The following BCAS4 variants were observed in gnomAD, a reference collection of about 807,000 sequenced individuals.
BCAS4 encodes the protein breast carcinoma-amplified sequence 4.
In BCAS4, 9 loss-of-function variants were observed where a neutral mutation model predicts 15.7. The observed-to-expected ratio is 0.57, with a 90% CI of 0.34 to 1.00. BCAS4 has a LOEUF of 1.00. Among genes scored for constraint, BCAS4 ranks in the 50% least tolerant of loss-of-function variants. BCAS4 has a pLI of 0.02. For synonymous variants in BCAS4, 101 were observed against 99.5 expected (o/e 1.02, Z -0.09); for missense variants, 225 against 239.1 (o/e 0.94, Z 0.39).
At chr20:50,828,470 C>A (rs772605640) in intron 2 of BCAS4, among the ~76,000 whole-genome samples, 90 of 151,346 alleles carry the variant, frequency 5.9e-4, no homozygotes, top group East Asian at 3.9e-4. Flanking sequence ...GTATAGTTTT[C>A]AAAAAAAAAT....
At chr20:50,841,996 G>A (rs2088489258) in intron 4 of BCAS4, 96 bp downstream of exon 4, 5 of 1,406,084 alleles carry the variant, frequency 3.6e-6, no homozygotes, top group Admixed American at 2.8e-5. Context: ...CAGAGTTCAG[G>A]GGGGCACATT....
At chr20:50,867,797 C>A (rs1979430994) in intron 4 of BCAS4, among the ~76,000 whole-genome samples, 1 of 152,146 alleles carries the variant, frequency 6.6e-6, no homozygotes, top group Non-Finnish European at 1.5e-5. Context: ...GCGTGTAATC[C>A]CAGCTACTGG....
At chr20:50,834,304 T>TC (rs1217639199) in intron 3 of BCAS4, among the ~76,000 whole-genome samples, 2 of 147,450 alleles carry the variant, frequency 1.4e-5, no homozygotes, top group East Asian at 2.0e-4. Flanking sequence ...TTTTTTTTTT[T>TC]TTTTTTTTTG....
At chr20:50,810,032 G>A (rs1340963200) in intron 1 of BCAS4, among the ~76,000 whole-genome samples, 2 of 152,034 alleles carry the variant, frequency 1.3e-5, no homozygotes, top group African/African-American at 2.4e-5. Context: ...CTAGGTATAC[G>A]ATCATGTCAT....
At chr20:50,865,705 T>TGCC (rs1979322754) in intron 4 of BCAS4, among the ~76,000 whole-genome samples, 1 of 152,086 alleles carries the variant, frequency 6.6e-6, no homozygotes, top group Non-Finnish European at 1.5e-5. Context: ...CCAGCTGCTG[T>TGCC]GGTCACTGGG....
intron 4 of BCAS4, among the ~76,000 whole-genome samples, chr20:50,862,771 G>C (rs1023212492): frequency 2.6e-5 from 4 of 152,178 alleles, no homozygotes; most frequent in Non-Finnish European, 5.9e-5. Flanking sequence ...CCTGGCAGGG[G>C]CCTGGAGGAG....
intron 4 of BCAS4, among the ~76,000 whole-genome samples, chr20:50,853,505 C>T (rs1004673424): frequency 2.0e-5 from 3 of 152,024 alleles, no homozygotes; most frequent in Admixed American, 6.6e-5. Flanking sequence ...CTCTGTCCCT[C>T]GCAGCTCCTC....
At chr20:50,871,594 G>GA (rs1979647290) in intron 4 of BCAS4, among the ~76,000 whole-genome samples, 1 of 152,236 alleles carries the variant, frequency 6.6e-6, no homozygotes, top group African/African-American at 2.4e-5. Flanking sequence ...TCATGAACAG[G>GA]AAAAGCCCCA....
chr20:50,882,401 A>C, the BCAS4 span: 1 of 152,228 alleles, frequency 6.6e-6, no homozygotes, highest in Non-Finnish European at 1.5e-5. Context: ...TAATGTTGTA[A>C]AAATGGGTTA....
chr20:50,848,249 C>T (rs2088571590), intron 4 of BCAS4, among the ~76,000 whole-genome samples: 1 of 152,092 alleles, frequency 6.6e-6, no homozygotes, highest in Non-Finnish European at 1.5e-5. Flanking sequence ...GAGTGAGACC[C>T]TGTCTCTGCA....
At chr20:50,822,383 T>G (rs1259851310) in intron 2 of BCAS4, among the ~76,000 whole-genome samples, 1 of 152,222 alleles carries the variant, frequency 6.6e-6, no homozygotes, top group Admixed American at 6.5e-5. Context: ...TTCTACCCCT[T>G]CATGGAAGGA....
chr20:50,858,973 A>AAC (rs1978922598), intron 4 of BCAS4, among the ~76,000 whole-genome samples: 1 of 149,412 alleles, frequency 6.7e-6, no homozygotes, highest in African/African-American at 2.5e-5. Context: ...TTGCCCTGTC[A>AAC]CCCAGGCTGG....
chr20:50,830,397 GAAGGT>G lies in BCAS4; in HGVS notation c.264+18_264+22del. 1 of 1,599,698 alleles carries G rather than the reference GAAGGT, an allele frequency of 6.3e-7. No individual in the cohort carries two copies. The highest frequency in any genetic ancestry group is 1.1e-5 in the South Asian group (1 of 89,798). ...CGGCTAGAGGTACGTCTAGGCAAAC[GAAGGT>G]TCTGAGGCTGTGGACTTGATCTTGC... On this transcript the variant is annotated intron_variant, in intron 3 of 4. Transcript: ENST00000371608.
At chr20:50,876,354 G>T in intron 4 of BCAS4, 132 bp from the exon 5 acceptor site, 1 of 1,256,384 alleles carries the variant, frequency 8.0e-7, no homozygotes, top group Non-Finnish European at 1.1e-6. Context: ...CACAGGCAGT[G>T]CTGTCAGAGG....
At chr20:50,880,006 C>T (rs891365620), downstream of BCAS4, 1 of 152,356 alleles carries the variant, frequency 6.6e-6, no homozygotes, top group Non-Finnish European at 1.5e-5. Context: ...GATTGTCCTG[C>T]GTTTCTCAGT....
At chr20:50,795,459 C>G (rs2087843036) in intron 1 of BCAS4, among the ~76,000 whole-genome samples, 2 of 152,278 alleles carry the variant, frequency 1.3e-5, no homozygotes, top group South Asian at 4.1e-4. Flanking sequence ...TTTGCCAGGC[C>G]GGCCCTGGGA....
chr20:50,840,920 C>T, intron 3 of BCAS4: 1 of 588,240 alleles, frequency 1.7e-6, no homozygotes, highest in Non-Finnish European at 3.1e-6. Flanking sequence ...ACCTCCGCCT[C>T]CCGGGTTCAA....
At chr20:50,812,976 C>T (rs149657641) in intron 1 of BCAS4, among the ~76,000 whole-genome samples, 2,318 of 151,954 alleles carry the variant, frequency 0.015, 64 homozygotes, top group African/African-American at 0.053. Context: ...CCACCATGTC[C>T]GGCTAATTTT....
At chr20:50,803,359 G>T (rs1193052627) in intron 1 of BCAS4, among the ~76,000 whole-genome samples, 3 of 152,224 alleles carry the variant, frequency 2.0e-5, no homozygotes, top group Non-Finnish European at 4.4e-5. Flanking sequence ...CAAGGGGCAT[G>T]TGTGTGTGCT....
Sources: gnomAD v4.1 joint callset for allele counts (sites outside exome capture counted in the v4.1 genomes callset) on GRCh38, gnomAD v4.1.1 for gene constraint, MANE v1.5 for transcripts, NCBI Gene and HGNC (gene_info 2026-07-23, HGNC 2026-07-21) for gene names.